DDAH1: variants seen among roughly 807,000 people sequenced by gnomAD.
DDAH1 encodes the protein N(G),N(G)-dimethylarginine dimethylaminohydrolase 1.
DDAH1 carries 19 observed loss-of-function variants against 28.8 expected under a neutral mutation model. The ratio of observed to expected loss-of-function variants is 0.66; its 90% CI spans 0.46 to 0.97. DDAH1 has a LOEUF of 0.97. DDAH1 is among the 50% of genes least tolerant of loss of function. The pLI, the probability that DDAH1 is intolerant of heterozygous loss-of-function variation, is 0.00. For missense variants in DDAH1, 326 were observed against 375.9 expected, an observed-to-expected ratio of 0.87 and a Z score of 1.10; for synonymous variants, 153 against 154.4, an observed-to-expected ratio of 0.99 and a Z score of 0.07.
chr1:85,447,016 G>T (rs537541576), intron 1 of DDAH1, among the ~76,000 whole-genome samples: 1 of 152,226 alleles, frequency 6.6e-6, no homozygotes, highest in East Asian at 1.9e-4. Context: ...AAAACTCAAT[G>T]GAATAAAAGA....
intron 1 of DDAH1, among the ~76,000 whole-genome samples, chr1:85,436,213 A>G (rs1187571350): frequency 6.6e-6 from 1 of 151,892 alleles, no homozygotes; most frequent in Non-Finnish European, 1.5e-5. Flanking sequence ...ATGGTGGCTA[A>G]TATTCTTGTG....
At position 85,528,167 on chromosome 1, in the gene DDAH1, C is replaced by T. The variant is rs556267791; in HGVS notation, c.-122-31886G>A. Reference sequence around the variant, plus strand: ...TATATGTTTATATGTTATTTGTATACACATATAAATATGTGTGAATATATA... The same window carrying T: ...TATATGTTTATATGTTATTTGTATATACATATAAATATGTGTGAATATATA... On this transcript the variant is annotated intron_variant, in intron 1 of 6. Coordinates refer to the DDAH1 transcript ENST00000426972. Among the ~76,000 whole-genome samples, 93 of 151,284 alleles carry T rather than the reference C, an allele frequency of 6.1e-4. 2 individuals carry two copies. The South Asian group carries it at 0.017, about 28-fold the overall frequency.
In DDAH1 at chr1:85,556,972, C is replaced by T. The variant is rs902184041; in HGVS notation, c.-123+21012G>A. Among the ~76,000 whole-genome samples the T allele has an allele frequency of 2.6e-5, 4 of 152,084 alleles. No individual in the cohort carries two copies. The South Asian group carries it at 6.2e-4, about 24-fold the overall frequency. On this transcript the variant is annotated intron_variant, in intron 1 of 6. Transcript: ENST00000426972. ...TCTCTACTGAAAACACAAAAATTAGCCAGGCGTAGTGGTGGGCACCTGTAA... is the reference window on the plus strand; with the variant it reads ...TCTCTACTGAAAACACAAAAATTAGTCAGGCGTAGTGGTGGGCACCTGTAA...
intron 1 of DDAH1, among the ~76,000 whole-genome samples, chr1:85,421,180 A>G (rs1446246574): frequency 6.6e-6 from 1 of 152,194 alleles, no homozygotes; most frequent in Non-Finnish European, 1.5e-5. Context: ...ATCAGGCCCC[A>G]CCTCCAACAC....
intron 1 of DDAH1, among the ~76,000 whole-genome samples, chr1:85,418,872 G>C (rs1653003053): frequency 6.6e-6 from 1 of 152,100 alleles, no homozygotes; most frequent in African/African-American, 2.4e-5. Flanking sequence ...ACAGATTATA[G>C]GTCAGGACAG....
At chr1:85,515,118 G>A (rs529990165) in intron 1 of DDAH1, among the ~76,000 whole-genome samples, 5 of 147,620 alleles carry the variant, frequency 3.4e-5, no homozygotes, top group Admixed American at 1.4e-4. Context: ...GGCTGGGCAT[G>A]GTGGCTCACA....
Position 85,321,147 on chromosome 1 carries a change from C to A in DDAH1, c.*305G>T. 5.2e-6 allele frequency: 1 copy of A among 194,172 alleles called. No homozygotes were observed. The highest frequency in any genetic ancestry group is 1.0e-5 in the Non-Finnish European group (1 of 96,352). 12.0% of individuals were successfully genotyped at this position (194,172 alleles called of 1,614,324 possible). On this transcript the variant is annotated 3_prime_UTR_variant, in exon 6 of 6. Coordinates refer to ENST00000284031, the MANE Select transcript of DDAH1 (RefSeq NM_012137.4). ...AATATACTGGCAACTAAATAATTTTCACACCAAAAATACAGACACTAAATG... is the reference window on the plus strand; with the variant it reads ...AATATACTGGCAACTAAATAATTTTAACACCAAAAATACAGACACTAAATG...
chr1:85,576,793 C>G (rs1332410749), intron 1 of DDAH1: 1 of 152,374 alleles, frequency 6.6e-6, no homozygotes, highest in African/African-American at 2.4e-5. Context: ...GGGCGGACTT[C>G]GGCCCTCAGA....
At chr1:85,400,051 T>G (rs911501307) in intron 1 of DDAH1, 1 of 152,158 alleles carries the variant, frequency 6.6e-6, no homozygotes, top group African/African-American at 2.4e-5. Flanking sequence ...CTTGTTTTGC[T>G]GCATCCCAGC....
intron 1 of DDAH1, among the ~76,000 whole-genome samples, chr1:85,443,338 G>A (rs1267554350): frequency 3.3e-5 from 5 of 152,152 alleles, no homozygotes; most frequent in African/African-American, 1.2e-4. Context: ...GATGGTTGTA[G>A]ATGTGTGGTA....
At chr1:85,348,821 T>A (rs1649020663) in intron 4 of DDAH1, among the ~76,000 whole-genome samples, 1 of 152,200 alleles carries the variant, frequency 6.6e-6, no homozygotes, top group African/African-American at 2.4e-5. Context: ...ACTATTTGAG[T>A]TACAGACCTA....
chr1:85,520,916 A>T (rs1194697216), intron 1 of DDAH1, among the ~76,000 whole-genome samples: 1 of 152,196 alleles, frequency 6.6e-6, no homozygotes, highest in Admixed American at 6.5e-5. Context: ...GCTCCACAGT[A>T]AAAATGTAAA....
intron 1 of DDAH1, among the ~76,000 whole-genome samples, chr1:85,441,345 A>G (rs954696805): frequency 1.3e-5 from 2 of 152,188 alleles, no homozygotes; most frequent in Non-Finnish European, 2.9e-5. Context: ...GGTCGAGACC[A>G]TCCTGGCTAA....
At chr1:85,489,684 A>C (rs910122852) in intron 2 of DDAH1, among the ~76,000 whole-genome samples, 1 of 152,064 alleles carries the variant, frequency 6.6e-6, no homozygotes, top group African/African-American at 2.4e-5. Flanking sequence ...TGGACATTGA[A>C]GGAAAGAGGA....
chr1:85,346,158 G>T (rs1324331017), intron 4 of DDAH1, among the ~76,000 whole-genome samples: 1 of 151,934 alleles, frequency 6.6e-6, no homozygotes, highest in Non-Finnish European at 1.5e-5. Context: ...AAGGAACCAA[G>T]TACTCAGAGA....
chr1:85,488,371 G>T (rs1365155616), intron 2 of DDAH1: 1 of 152,116 alleles, frequency 6.6e-6, no homozygotes, highest in Non-Finnish European at 1.5e-5. Flanking sequence ...GTTTTCAGAT[G>T]GCTTTCTTCT....
chr1:85,570,364 T>TCTCACACACACACACA (rs1553149612), intron 1 of DDAH1, among the ~76,000 whole-genome samples: 3 of 145,468 alleles, frequency 2.1e-5, no homozygotes, highest in African/African-American at 7.7e-5. Flanking sequence ...ACACACACTG[T>TCTCACACACACACACA]CACACACACA....
upstream of DDAH1, among the ~76,000 whole-genome samples, chr1:85,466,430 G>C (rs1477619726): frequency 6.6e-6 from 1 of 152,084 alleles, no homozygotes; most frequent in Non-Finnish European, 1.5e-5. Context: ...TGTATTTTTA[G>C]CAGAGACAGG....
intron 4 of DDAH1, among the ~76,000 whole-genome samples, chr1:85,329,046 G>C (rs143314690): frequency 0.022 from 3,362 of 152,286 alleles, 62 homozygotes; most frequent in South Asian, 0.031. Flanking sequence ...ACATCTCTTA[G>C]GCCTGACTTT....
Sources: allele counts gnomAD v4.1 joint callset (sites outside exome capture counted in the v4.1 genomes callset), GRCh38; gene constraint gnomAD v4.1.1; transcripts MANE v1.5; gene names NCBI Gene and HGNC (gene_info 2026-07-23, HGNC 2026-07-21).